Variants in PAM observed in about 807,000 individuals in gnomAD.
PAM encodes peptidyl-glycine alpha-amidating monooxygenase.
Under a neutral mutation model 122.1 loss-of-function variants are expected in PAM, and 72 were observed. The ratio of observed to expected loss-of-function variants is 0.59; its 90% CI spans 0.49 to 0.72. The LOEUF (loss-of-function observed/expected upper bound fraction) is 0.72, where lower values mean the gene tolerates loss of function less well. PAM is among the 30% of genes least tolerant of loss of function. The pLI is 0.00. For synonymous variants in PAM, 389 were observed against 404.4 expected, an observed-to-expected ratio of 0.96 and a Z score of 0.46; for missense variants, 1,106 against 1,183.7, an observed-to-expected ratio of 0.93 and a Z score of 0.96.
At chr5:103,011,879 C>T (rs1185404627) in intron 21 of PAM, among the ~76,000 whole-genome samples, 3 of 152,206 alleles carry the variant, frequency 2.0e-5, no homozygotes, top group African/African-American at 7.2e-5. Context: ...TTCCCACCAA[C>T]AGTATACAAG....
intron 1 of PAM, among the ~76,000 whole-genome samples, chr5:102,788,395 T>A (rs1239977580): frequency 1.3e-5 from 2 of 151,962 alleles, no homozygotes; most frequent in Admixed American, 6.6e-5. Context: ...GCCACTGGTG[T>A]CATAAAGTTA....
In PAM at chr5:103,025,958, A is replaced by G. The variant is rs550148960; in HGVS notation, c.2689+624A>G. On this transcript the variant is annotated intron_variant, in intron 24 of 25. Transcript: ENST00000438793. Reference sequence around the variant, plus strand: ...CATTGGTAATAAAGTAACAAAAGGCATAAGAAGTTATAAAAAACACTTGTC... The same window carrying G: ...CATTGGTAATAAAGTAACAAAAGGCGTAAGAAGTTATAAAAAACACTTGTC... Among the ~76,000 whole-genome samples the G allele has an allele frequency of 1.4e-4, 22 of 152,350 alleles. 1 individual carries two copies. The highest frequency in any genetic ancestry group is 8.5e-4 in the Admixed American group (13 of 15,302).
At chr5:103,012,728 C>T (rs889076208) in intron 21 of PAM, among the ~76,000 whole-genome samples, 45 of 152,028 alleles carry the variant, frequency 3.0e-4, no homozygotes, top group African/African-American at 1.0e-3. Flanking sequence ...TAGTGGTGGG[C>T]GCCTGTAGTC....
intron 4 of PAM, among the ~76,000 whole-genome samples, chr5:102,913,584 C>A (rs1054296167): frequency 9.2e-5 from 14 of 151,918 alleles, no homozygotes; most frequent in Non-Finnish European, 2.1e-4. Context: ...TGATACTCAG[C>A]ACTGTACTGA....
chr5:102,946,846 A>T lies in PAM; in HGVS notation c.536A>T (p.Lys179Met). Reference sequence around the variant, plus strand: ...CTATGTGTGTTTTCAGATAATAACAAGGACTGTTCTGGTGTGTCCTTACAC... The same window carrying T: ...CTATGTGTGTTTTCAGATAATAACATGGACTGTTCTGGTGTGTCCTTACAC... ...GDISAFRDNN[K>M]DCSGVSLHLT... The change falls in exon 8 of 26, where the codon AAG becomes ATG. Residue 179 changes from lysine (K) to methionine (M), a missense_variant. Physicochemically the swap from Lys to Met is moderately conservative, Grantham distance 95 (BLOSUM62 -1). Transcript: ENST00000438793. The T allele has an allele frequency of 6.3e-7, 1 of 1,595,126 alleles. No individual in the cohort carries two copies. The highest frequency in any genetic ancestry group is 1.7e-5 in the Admixed American group (1 of 59,728).
chr5:102,830,421 A>G (rs1775081163), intron 1 of PAM, among the ~76,000 whole-genome samples: 1 of 152,148 alleles, frequency 6.6e-6, no homozygotes, highest in South Asian at 2.1e-4. Flanking sequence ...CTCACCACTG[A>G]AATGTATTGT....
rs1413073496 is a variant in PAM, at chr5:103,009,810, T to C, written c.2275T>C (p.Phe759Leu). The C allele has an allele frequency of 6.2e-7, 1 of 1,612,448 alleles. No individual in the cohort carries two copies. The highest frequency in any genetic ancestry group is 2.2e-5 in the East Asian group (1 of 44,806). Reference protein sequence around the residue: ...HFGDQEPVQGFVMNFSNGEII... With the variant: ...HFGDQEPVQGLVMNFSNGEII... ...TGGGGACCAAGAACCTGTACAAGGA[T>C]TTGTGATGAACTTTTCCAATGGGGA... Residue 759 changes from phenylalanine to leucine, a missense_variant, in exon 21 of 26, where the codon TTT becomes CTT. Phe to Leu is a conservative substitution (Grantham distance 22). Transcript: ENST00000438793.
chr5:102,950,858 A>G, intron 12 of PAM, 38 bp downstream of exon 12: 2 of 1,241,880 alleles, frequency 1.6e-6, no homozygotes, highest in Non-Finnish European at 2.4e-6. Flanking sequence ...AAGATATTTT[A>G]TTGGGATAAG....
intron 15 of PAM, among the ~76,000 whole-genome samples, chr5:102,975,471 T>C (rs745868111): frequency 1.6e-4 from 24 of 152,196 alleles, no homozygotes; most frequent in Non-Finnish European, 2.1e-4. Flanking sequence ...GATTTTTAAC[T>C]TTTCATGTTT....
intron 7 of PAM, among the ~76,000 whole-genome samples, chr5:102,929,309 T>A (rs1561922872): frequency 6.6e-6 from 1 of 152,292 alleles, no homozygotes; most frequent in East Asian, 1.9e-4. Flanking sequence ...CATACTTATC[T>A]CCAGATGCAC....
intron 15 of PAM, among the ~76,000 whole-genome samples, chr5:102,980,647 G>A (rs1001256067): frequency 1.1e-4 from 17 of 152,098 alleles, no homozygotes; most frequent in Admixed American, 5.2e-4. Context: ...TCATTTCATC[G>A]TATAGGGAAT....
chr5:102,832,114 C>T (rs549437824), intron 1 of PAM, among the ~76,000 whole-genome samples: 2 of 152,230 alleles, frequency 1.3e-5, no homozygotes, highest in South Asian at 4.2e-4. Flanking sequence ...ATTATGATTA[C>T]AAGTGTCCAA....
chr5:103,012,883 G>C (rs1026348044), intron 21 of PAM, among the ~76,000 whole-genome samples: 5 of 149,124 alleles, frequency 3.4e-5, no homozygotes, highest in African/African-American at 1.2e-4. Flanking sequence ...TGAGTTCACT[G>C]TAGGTGTGTG....
At position 102,914,016 on chromosome 5, in the gene PAM, T is replaced by G. The variant is rs1298371174; in HGVS notation, c.351T>G (p.Ser117Arg). The G allele has an allele frequency of 6.5e-7, 1 of 1,545,970 alleles. No homozygotes were observed. Among genetic ancestry groups the G allele is most frequent in the African/African-American group, 1.4e-5 (1 of 73,648 alleles). The change falls in exon 5 of 26, where the codon AGT becomes AGG. Residue 117 changes from serine (S) to arginine (R), a missense_variant. By Grantham distance (110) the Ser-to-Arg change is moderately radical. Around this residue, in one of 3 missense-constraint regions of PAM, gnomAD observed 670 missense variants for 690.3 expected, o/e 0.97. Coordinates refer to ENST00000438793, the MANE Select transcript of PAM (RefSeq NM_001177306.2). ...FGCNMPSSTG[S>R]YWFCDEGTCT... The stretch of plus-strand genomic sequence containing the variant: ...GCAATATGCCTTCATCCACTGGAAG[T>G]TACTGGTAAGGATAATGGGTTTACA...
chr5:102,833,631 T>C (rs980226285), intron 1 of PAM, among the ~76,000 whole-genome samples: 24 of 152,152 alleles, frequency 1.6e-4, no homozygotes, highest in African/African-American at 5.5e-4. Context: ...ACTGTAAAAA[T>C]AATCTTTTTA....
intron 7 of PAM, among the ~76,000 whole-genome samples, chr5:102,929,279 C>T (rs191204065): frequency 6.6e-6 from 1 of 152,294 alleles, no homozygotes; most frequent in East Asian, 1.9e-4. Flanking sequence ...CTGCTTTCAG[C>T]AGCTTCTGTA....
chr5:103,009,039 TTTA>T (rs1779870471), intron 20 of PAM, among the ~76,000 whole-genome samples: 1 of 152,132 alleles, frequency 6.6e-6, no homozygotes, highest in Non-Finnish European at 1.5e-5. Flanking sequence ...TTGTGTATAA[TTTA>T]TTATGTTTTA....
At chr5:102,803,308 A>G (rs577840337) in intron 1 of PAM, among the ~76,000 whole-genome samples, 14 of 152,244 alleles carry the variant, frequency 9.2e-5, no homozygotes, top group African/African-American at 3.1e-4. Context: ...GTAGGATAAG[A>G]TGGTAGCTAG....
intron 24 of PAM, among the ~76,000 whole-genome samples, chr5:103,027,798 TA>T (rs1347048522): frequency 2.6e-5 from 4 of 152,134 alleles, no homozygotes; most frequent in Admixed American, 6.5e-5. Flanking sequence ...ATTTCCTGAT[TA>T]AAAAAATAGC....
Sources: gnomAD v4.1 joint callset for allele counts (sites outside exome capture counted in the v4.1 genomes callset) on GRCh38, gnomAD v4.1.1 for gene constraint, gnomAD v4.1.1 regional missense constraint, MANE v1.5 for transcripts, NCBI Gene and HGNC (gene_info 2026-07-23, HGNC 2026-07-21) for gene names.